Variants in SORCS2 observed in about 807,000 individuals in gnomAD.
SORCS2 encodes the protein VPS10 domain-containing receptor SorCS2.
In SORCS2, 100 loss-of-function variants were observed where a neutral mutation model predicts 141.6. The observed-to-expected ratio is 0.71, with a 90% CI of 0.60 to 0.83. SORCS2 has a LOEUF of 0.83. Among genes scored for constraint, SORCS2 ranks in the 40% least tolerant of loss-of-function variants. The pLI, the probability that SORCS2 is intolerant of heterozygous loss-of-function variation, is 0.00. For synonymous variants in SORCS2, 789 were observed against 676.9 expected (o/e 1.17, Z -2.57); for missense variants, 1,646 against 1,560.2 (o/e 1.05, Z -0.93).
chr4:7,220,009 G>A (rs1408984527), intron 1 of SORCS2, among the ~76,000 whole-genome samples: 7 of 152,232 alleles, frequency 4.6e-5, no homozygotes, highest in Non-Finnish European at 1.5e-5. Flanking sequence ...TTGTGTCATG[G>A]ATTTCAGAAC....
chr4:7,712,909 C>T, intron 15 of SORCS2, 56 bp downstream of exon 15: 1 of 1,595,300 alleles, frequency 6.3e-7, no homozygotes, highest in Non-Finnish European at 8.5e-7. Flanking sequence ...CAAACACAGG[C>T]CCACTCTGCC....
chr4:7,581,443 T>TG (rs1442758141), intron 3 of SORCS2, among the ~76,000 whole-genome samples: 3 of 152,198 alleles, frequency 2.0e-5, no homozygotes, highest in Non-Finnish European at 2.9e-5. Context: ...AAAAAGTCCA[T>TG]GGCCTTTTGA....
At chr4:7,556,894 A>ACCAT (rs374051512) in intron 3 of SORCS2, among the ~76,000 whole-genome samples, 18 of 129,570 alleles carry the variant, frequency 1.4e-4, no homozygotes, top group South Asian at 2.5e-4. Flanking sequence ...CCACCCACCC[A>ACCAT]CCATCCATCC....
intron 14 of SORCS2, among the ~76,000 whole-genome samples, chr4:7,705,810 C>T (rs975733765): frequency 2.1e-4 from 32 of 152,274 alleles, no homozygotes; most frequent in African/African-American, 7.2e-4. Context: ...GAGGGGCCCA[C>T]GTGGATAAGC....
In SORCS2 at chr4:7,248,146, C is replaced by T. The variant is rs1969073; in HGVS notation, c.480+55020C>T. On this transcript the variant is annotated intron_variant, in intron 1 of 26. Transcript: ENST00000507866. ...CAGCTTAGCCACCGACTGTGTGTGG[C>T]CCCCCTACCGAGGGAGGCTACACAA... is the stretch of plus-strand genomic sequence containing the variant. Among the ~76,000 whole-genome samples the T allele has an allele frequency of 7.5e-3, 1,145 of 152,274 alleles. 12 individuals carry two copies. Among genetic ancestry groups the T allele is most frequent in the African/African-American group, 0.026 (1,082 of 41,566 alleles).
At chr4:7,629,942 C>T (rs1320125631) in intron 3 of SORCS2, among the ~76,000 whole-genome samples, 2 of 152,134 alleles carry the variant, frequency 1.3e-5, no homozygotes, top group Non-Finnish European at 2.9e-5. Context: ...ATTTATTCCC[C>T]AGCAAAGCCT....
At position 7,428,481 on chromosome 4, in the gene SORCS2, C is replaced by T. The variant is rs184731777; in HGVS notation, c.548+32126C>T. The stretch of plus-strand genomic sequence containing the variant: ...GGAAGCCAGGCCACAGCCAGATAGC[C>T]GAGTAGAGTCAGTTATGGGGCCGAG... On this transcript the variant is annotated intron_variant, in intron 2 of 26. Coordinates refer to ENST00000507866, the MANE Select transcript of SORCS2 (RefSeq NM_020777.3). Among the ~76,000 whole-genome samples, 77 of 152,250 alleles carry T rather than the reference C, an allele frequency of 5.1e-4. 1 individual carries two copies. The highest frequency in any genetic ancestry group is 1.8e-3 in the African/African-American group (73 of 41,542).
intron 1 of SORCS2, among the ~76,000 whole-genome samples, chr4:7,220,900 GATTA>G: frequency 6.6e-6 from 1 of 152,288 alleles, no homozygotes; most frequent in Admixed American, 6.5e-5. Flanking sequence ...GAAAGAACAT[GATTA>G]ATTAAGCAGC....
intron 3 of SORCS2, among the ~76,000 whole-genome samples, chr4:7,546,618 C>T (rs1265658433): frequency 1.3e-5 from 2 of 152,198 alleles, no homozygotes; most frequent in Admixed American, 1.3e-4. Flanking sequence ...CACCTGGCCC[C>T]CAAGGTCATC....
chr4:7,403,172 G>A (rs754163917), intron 2 of SORCS2, among the ~76,000 whole-genome samples: 12 of 152,226 alleles, frequency 7.9e-5, no homozygotes, highest in Non-Finnish European at 1.8e-4. Context: ...CCAGTGGCAT[G>A]CACTCAGCAT....
intron 2 of SORCS2, among the ~76,000 whole-genome samples, chr4:7,511,913 C>T (rs947166357): frequency 6.6e-6 from 1 of 152,202 alleles, no homozygotes; most frequent in African/African-American, 2.4e-5. Context: ...TTACCCAGGG[C>T]CCAAATCCCA....
intron 1 of SORCS2, among the ~76,000 whole-genome samples, chr4:7,361,859 G>A (rs1194425941): frequency 6.6e-6 from 1 of 150,440 alleles, no homozygotes; most frequent in Non-Finnish European, 1.5e-5. Flanking sequence ...AGAAGCTTCT[G>A]AGTGTGGCCC....
At chr4:7,275,979 A>AGT (rs1369467480) in intron 1 of SORCS2, among the ~76,000 whole-genome samples, 4 of 152,132 alleles carry the variant, frequency 2.6e-5, no homozygotes, top group African/African-American at 9.7e-5. Context: ...AGGCTTGGAG[A>AGT]GTGTGAGACG....
intron 14 of SORCS2, among the ~76,000 whole-genome samples, chr4:7,712,177 C>T (rs73078580): frequency 0.012 from 1,793 of 152,330 alleles, 16 homozygotes; most frequent in South Asian, 0.051. Flanking sequence ...GTGGGCTCTG[C>T]GCTGAGCCTG....
intron 2 of SORCS2, among the ~76,000 whole-genome samples, chr4:7,480,991 A>C (rs35455744): frequency 0.21 from 32,580 of 152,232 alleles, 3,817 homozygotes; most frequent in African/African-American, 0.31. Flanking sequence ...GAGGTGGCGA[A>C]ATCCTGAGGG....
chr4:7,374,016 T>C (rs1346412703), intron 1 of SORCS2, among the ~76,000 whole-genome samples: 1 of 152,224 alleles, frequency 6.6e-6, no homozygotes, highest in Non-Finnish European at 1.5e-5. Context: ...CCCCTTGTTT[T>C]CTTCTAGAAG....
intron 1 of SORCS2, among the ~76,000 whole-genome samples, chr4:7,320,057 C>G (rs1220513821): frequency 6.6e-6 from 1 of 152,206 alleles, no homozygotes; most frequent in Non-Finnish European, 1.5e-5. Flanking sequence ...AATCCCAGCA[C>G]TTTGGGAGGC....
intron 3 of SORCS2, among the ~76,000 whole-genome samples, chr4:7,558,781 A>T (rs547869750): frequency 3.9e-5 from 6 of 152,210 alleles, no homozygotes; most frequent in African/African-American, 1.4e-4. Context: ...CCTCAGGTTC[A>T]GCTTTCCCAA....
intron 2 of SORCS2, among the ~76,000 whole-genome samples, chr4:7,436,013 C>T (rs1727274743): frequency 6.6e-6 from 1 of 152,258 alleles, no homozygotes; most frequent in Non-Finnish European, 1.5e-5. Flanking sequence ...AACAGCCACA[C>T]ATGAGGAATG....
Sources: gnomAD v4.1 joint callset for allele counts (sites outside exome capture counted in the v4.1 genomes callset) on GRCh38, gnomAD v4.1.1 for gene constraint, MANE v1.5 for transcripts, NCBI Gene and HGNC (gene_info 2026-07-23, HGNC 2026-07-21) for gene names.